PLEKHA1: variants seen among roughly 807,000 people sequenced by gnomAD.
The protein encoded by PLEKHA1 is pleckstrin homology domain-containing family A member 1.
Under a neutral mutation model 52.0 loss-of-function variants are expected in PLEKHA1, and 34 were observed. That is an observed-to-expected ratio of 0.65 (90% confidence interval 0.50 to 0.87). PLEKHA1 has a LOEUF of 0.87. PLEKHA1 is among the 40% of genes least tolerant of loss of function. PLEKHA1 has a pLI of 0.00. For missense variants in PLEKHA1, 497 were observed against 504.2 expected (o/e 0.99, Z 0.14); for synonymous variants, 163 against 170.7 (o/e 0.95, Z 0.35).
At position 122,393,574 on chromosome 10, in the gene PLEKHA1, G is replaced by A. The variant is rs939827567; in HGVS notation, c.141+233G>A. On this transcript the variant is annotated intron_variant, in intron 2 of 11. Transcript: ENST00000368990. The surrounding 1 kb of genome is among the most constrained non-coding windows in gnomAD (Gnocchi z 4.5). ...ATGCTTCTGTATATATTTTTCCCTC[G>A]AGAGAGAAATACTCTCTCTGGTGGC... Among the ~76,000 whole-genome samples the A allele has an allele frequency of 6.6e-6, 1 of 151,892 alleles. No individual in the cohort carries two copies. Among genetic ancestry groups the A allele is most frequent in the Non-Finnish European group, 1.5e-5 (1 of 67,974 alleles).
intron 1 of PLEKHA1, 154 bp downstream of exon 1, chr10:122,374,960 T>C (rs1321479469): frequency 6.6e-6 from 1 of 151,786 alleles, no homozygotes; most frequent in Non-Finnish European, 1.5e-5. Context: ...CGGTGGGTGC[T>C]GGTGAGTGCG....
At position 122,417,987 on chromosome 10, in the gene PLEKHA1, A is replaced by T; in HGVS notation, c.681+19A>T. On this transcript the variant is annotated intron_variant, in intron 8 of 11. Transcript: ENST00000368990. ...TGAACTGGTATGTTGTTACGTCATAAATGTTGCTATAAGAATGTTTGAAAA... is the reference window on the plus strand; with the variant it reads ...TGAACTGGTATGTTGTTACGTCATATATGTTGCTATAAGAATGTTTGAAAA... 1 of 1,579,908 alleles carries T rather than the reference A, an allele frequency of 6.3e-7. No individual in the cohort carries two copies. Among genetic ancestry groups the T allele is most frequent in the Non-Finnish European group, 8.7e-7 (1 of 1,149,684 alleles).
intron 10 of PLEKHA1, chr10:122,425,505 G>C (rs972876153): frequency 2.0e-5 from 3 of 152,274 alleles, no homozygotes; most frequent in Non-Finnish European, 4.4e-5. Flanking sequence ...CATCGCTTGA[G>C]TCCAGGAGTT....
At chr10:122,413,668 T>C (rs2097136781) in intron 6 of PLEKHA1, among the ~76,000 whole-genome samples, 1 of 152,120 alleles carries the variant, frequency 6.6e-6, no homozygotes, top group South Asian at 2.1e-4. Context: ...ATTTGAGTTT[T>C]AGGAAAAATA....
intron 4 of PLEKHA1, among the ~76,000 whole-genome samples, chr10:122,403,601 GT>G (rs11428964): frequency 0.97 from 143,768 of 147,822 alleles, 69,961 homozygotes; most frequent in Middle Eastern, 1. Context: ...CAGTGTCAGA[GT>G]TTTTTTTTTT....
chr10:122,427,650 A>G (rs1262629843), intron 11 of PLEKHA1, among the ~76,000 whole-genome samples: 1 of 152,230 alleles, frequency 6.6e-6, no homozygotes, highest in Non-Finnish European at 1.5e-5. Flanking sequence ...AAATTGAAAT[A>G]CAACTAAACA....
At position 122,429,930 on chromosome 10, in the gene PLEKHA1, G is replaced by T. The variant is rs775638694; in HGVS notation, c.1207G>T (p.Asp403Tyr). The T allele has an allele frequency of 8.7e-6, 14 of 1,611,656 alleles. No homozygotes were observed. Among genetic ancestry groups the T allele is most frequent in the Non-Finnish European group, 1.2e-5 (14 of 1,178,548 alleles). The part of the protein sequence containing the change: ...DLDDASLPVS[D>Y]V Reference sequence around the variant, plus strand: ...GGACGATGCGAGCCTTCCGGTCAGTGACGTGTGAGGCAGAAGCGCACGGAG... The same window carrying T: ...GGACGATGCGAGCCTTCCGGTCAGTTACGTGTGAGGCAGAAGCGCACGGAG... The change falls in exon 12 of 12, where the codon GAC becomes TAC. Residue 403 changes from aspartate to tyrosine, a missense_variant. Asp to Tyr is a radical substitution (Grantham distance 160, BLOSUM62 -3). Coordinates refer to ENST00000368990, the MANE Select transcript of PLEKHA1 (RefSeq NM_001001974.4).
intron 11 of PLEKHA1, among the ~76,000 whole-genome samples, chr10:122,427,749 T>A (rs1006170907): frequency 1.3e-5 from 2 of 152,208 alleles, no homozygotes; most frequent in African/African-American, 4.8e-5. Context: ...TGGCCACTGA[T>A]CTCAGGTCTG....
At chr10:122,406,902 T>G (rs184333321) in intron 5 of PLEKHA1, among the ~76,000 whole-genome samples, 81 of 152,326 alleles carry the variant, frequency 5.3e-4, no homozygotes, top group Middle Eastern at 3.4e-3. Context: ...AGGAGATATA[T>G]TACTGCAGAT....
rs1415212104 is a variant in PLEKHA1, at chr10:122,431,969, G to A, written c.*2031G>A. ...ATGTTCACTTTAGTATTTGCAATTT[G>A]ATATATTTCATGGTGGCAAAATATT... On this transcript the variant is annotated 3_prime_UTR_variant, in exon 12 of 12. Coordinates refer to ENST00000368990, the MANE Select transcript of PLEKHA1 (RefSeq NM_001001974.4). 6.6e-6 allele frequency: 1 copy of A among 152,032 alleles called. No individual in the cohort carries two copies. The highest frequency in any genetic ancestry group is 2.4e-5 in the African/African-American group (1 of 41,396). The allele number at this position is 152,032 out of a possible 1,614,324, so 9.4% of individuals were successfully genotyped here. A position where few individuals can be genotyped will look rare whatever the true frequency, so the allele number is the denominator to read the frequency against.
chr10:122,424,181 T>G lies in PLEKHA1; in HGVS notation c.682-18T>G, dbSNP rs747245165. The G allele has an allele frequency of 2.0e-5, 29 of 1,466,056 alleles. No homozygotes were observed. Among genetic ancestry groups the G allele is most frequent in the East Asian group, 1.7e-4 (7 of 41,000 alleles). The allele number at this position is 1,466,056 out of a possible 1,614,324, so 90.8% of individuals were successfully genotyped here. Reference sequence around the variant, plus strand: ...AAACATCATGTAACTGTTTTTTTTTTTTTTTTTTTTTTGCCAGGAAAAGGA... The same window carrying G: ...AAACATCATGTAACTGTTTTTTTTTGTTTTTTTTTTTTGCCAGGAAAAGGA... On this transcript the variant is annotated intron_variant, in intron 8 of 11. Coordinates refer to ENST00000368990, the MANE Select transcript of PLEKHA1 (RefSeq NM_001001974.4).
chr10:122,389,251 A>T (rs1025190581), intron 1 of PLEKHA1, among the ~76,000 whole-genome samples: 1 of 152,266 alleles, frequency 6.6e-6, no homozygotes, highest in Non-Finnish European at 1.5e-5. Context: ...TCTTTGATGC[A>T]TGAGCTGCAG....
At chr10:122,385,311 CTTTTTTTT>C (rs1196217497) in intron 1 of PLEKHA1, among the ~76,000 whole-genome samples, 1 of 96,476 alleles carries the variant, frequency 1.0e-5, no homozygotes. Flanking sequence ...TTGTGTCTGG[CTTTTTTTT>C]TTTTTTTTTT....
In PLEKHA1 at chr10:122,412,040, A is replaced by G. The variant is rs1389599692; in HGVS notation, c.343-880A>G. ...ATAATTTAAATACAGACTATGTGCTAAACAGTCTACAGATAGAAATAATGA... is the reference window on the plus strand; with the variant it reads ...ATAATTTAAATACAGACTATGTGCTGAACAGTCTACAGATAGAAATAATGA... On this transcript the variant is annotated intron_variant, in intron 5 of 11. Coordinates refer to ENST00000368990, the MANE Select transcript of PLEKHA1 (RefSeq NM_001001974.4). 3 of 152,352 alleles carry G rather than the reference A, an allele frequency of 2.0e-5. No homozygotes were observed. The East Asian group carries it at 5.8e-4, about 29-fold the overall frequency. 9.4% of individuals were successfully genotyped at this position (152,352 alleles called of 1,614,324 possible). A position where few individuals can be genotyped will look rare whatever the true frequency, so the allele number is the denominator to read the frequency against.
At chr10:122,424,171 G>GTTTTTTTTTTTTTTT (rs34058512) in intron 8 of PLEKHA1, 28 bp from the exon 9 acceptor site, 1 of 694,476 alleles carries the variant, frequency 1.4e-6, no homozygotes, top group African/African-American at 2.2e-5. Flanking sequence ...TCATGTAACT[G>GTTTTTTTTTTTTTTT]TTTTTTTTTT....
chr10:122,438,914 G>A, the PLEKHA1 span: 1 of 152,068 alleles, frequency 6.6e-6, no homozygotes, highest in Non-Finnish European at 1.5e-5. Context: ...TTTTAAGAAA[G>A]TTTACAAATC....
intron 4 of PLEKHA1, 82 bp from the exon 5 acceptor site, chr10:122,406,494 A>G: frequency 9.1e-7 from 1 of 1,094,960 alleles, no homozygotes; most frequent in Non-Finnish European, 1.4e-6. Context: ...TGTTGAACTT[A>G]GCAAGGTTTT....
At chr10:122,394,210 G>A (rs1180994869) in intron 2 of PLEKHA1, among the ~76,000 whole-genome samples, 1 of 151,324 alleles carries the variant, frequency 6.6e-6, no homozygotes, top group Non-Finnish European at 1.5e-5. Flanking sequence ...GAGTAGCTGG[G>A]ACTACAGGGG....
intron 1 of PLEKHA1, among the ~76,000 whole-genome samples, chr10:122,383,486 ATTTT>A (rs5788548): frequency 3.6e-5 from 5 of 138,342 alleles, no homozygotes; most frequent in Non-Finnish European, 3.1e-5. Flanking sequence ...TGCCTGGCTA[ATTTT>A]TTTTTTTTTT....
Sources: allele counts gnomAD v4.1 joint callset (sites outside exome capture counted in the v4.1 genomes callset), GRCh38; gene constraint gnomAD v4.1.1; non-coding constraint Gnocchi (gnomAD v3.1); transcripts MANE v1.5; gene names NCBI Gene and HGNC (gene_info 2026-07-23, HGNC 2026-07-21).